Variants in GCNT3 observed in about 807,000 individuals in gnomAD.
The protein encoded by GCNT3 is glucosaminyl (N-acetyl) transferase 3, mucin type, also known as beta-1,3-galactosyl-O-glycosyl-glycoprotein beta-1,6-N-acetylglucosaminyltransferase 3.
For missense variants in GCNT3, 708 were observed against 530.3 expected, an observed-to-expected ratio of 1.34 and a Z score of -3.29; for synonymous variants, 269 against 195.2, an observed-to-expected ratio of 1.38 and a Z score of -3.15.
chr15:59,615,108 A>G (rs1291817580), intron 1 of GCNT3: 1 of 152,198 alleles, frequency 6.6e-6, no homozygotes, highest in East Asian at 1.9e-4. Flanking sequence ...GCCTCTTGCA[A>G]ACCACGTTTC....
rs1164324108 is a variant in GCNT3, at chr15:59,618,191, C to T, written c.-48C>T. The T allele has an allele frequency of 2.8e-6, 3 of 1,054,166 alleles. No homozygotes were observed. The highest frequency in any genetic ancestry group is 3.2e-5 in the African/African-American group (2 of 63,108). 65.3% of individuals were successfully genotyped at this position (1,054,166 alleles called of 1,614,324 possible). ...TGTTCTGTCCAAGGATTGTGTCCTC[C>T]TCCACCTTCCCTGTGCTCGGTCTCC... is the stretch of plus-strand genomic sequence containing the variant. On this transcript the variant is annotated 5_prime_UTR_variant, in exon 3 of 3. Transcript: ENST00000396065.
At chr15:59,617,174 C>CTTTT (rs1339999286) in intron 2 of GCNT3, among the ~76,000 whole-genome samples, 5 of 132,312 alleles carry the variant, frequency 3.8e-5, no homozygotes, top group African/African-American at 1.4e-4. Context: ...TGTTTTCTTT[C>CTTTT]TTTCTTTTTT....
rs1303895864 is a variant in GCNT3 at position 59,621,494 on chromosome 15, G to C, written c.*1939G>C. ...CATCTTCTGCATACGATATGCCCTG[G>C]AAAGGTGATTTATATGCAAGTTAAT... On this transcript the variant is annotated 3_prime_UTR_variant, in exon 3 of 3. Coordinates refer to ENST00000396065, the MANE Select transcript of GCNT3 (RefSeq NM_004751.3). 1 of 151,064 alleles carries C rather than the reference G, an allele frequency of 6.6e-6. No homozygotes were observed. The highest frequency in any genetic ancestry group is 2.4e-5 in the African/African-American group (1 of 41,184). The allele number at this position is 151,064 out of a possible 1,614,324, so 9.4% of individuals were successfully genotyped here.
intron 1 of GCNT3, among the ~76,000 whole-genome samples, chr15:59,612,853 T>G (rs1051428291): frequency 2.0e-4 from 30 of 152,046 alleles, no homozygotes; most frequent in African/African-American, 7.2e-4. Flanking sequence ...CTGCCTGAGG[T>G]GCTGAGGGTG....
At position 59,622,565 on chromosome 15, in the gene GCNT3, A is replaced by G. The variant is rs1019712749; in HGVS notation, c.*3010A>G. The stretch of plus-strand genomic sequence containing the variant: ...TCCTTGGTCCTCCTCTGAAGGAGGT[A>G]GAAGGGGCACACGGCCACCGTGGGA... On this transcript the variant is annotated 3_prime_UTR_variant, in exon 3 of 3. Coordinates refer to ENST00000396065, the MANE Select transcript of GCNT3 (RefSeq NM_004751.3). 1 of 152,164 alleles carries G rather than the reference A, an allele frequency of 6.6e-6. No individual in the cohort carries two copies. The highest frequency in any genetic ancestry group is 2.4e-5 in the African/African-American group (1 of 41,446). 9.4% of individuals were successfully genotyped at this position (152,164 alleles called of 1,614,324 possible).
intron 1 of GCNT3, among the ~76,000 whole-genome samples, chr15:59,614,449 G>T (rs1216483999): frequency 6.6e-6 from 1 of 152,208 alleles, no homozygotes; most frequent in African/African-American, 2.4e-5. Flanking sequence ...CTACTCCATA[G>T]ACATAGCAGC....
Position 59,618,377 on chromosome 15 carries a change from T to A in GCNT3, c.139T>A (p.Ser47Thr). 1.2e-6 allele frequency: 2 copies of A among 1,614,090 alleles called. No homozygotes were observed. Among genetic ancestry groups the A allele is most frequent in the Non-Finnish European group, 1.7e-6 (2 of 1,179,960 alleles). Residue 47 changes from serine to threonine, a missense_variant, in exon 3 of 3, where the codon TCT becomes ACT. Transcript: ENST00000396065. ...SDHLGLESRE[S>T]QSQYCRNILY... Reference sequence around the variant, plus strand: ...CCACTTGGGTCTGGAGTCCAGGGAATCTCAAAGCCAGTACTGTAGGAATAT... The same window carrying A: ...CCACTTGGGTCTGGAGTCCAGGGAAACTCAAAGCCAGTACTGTAGGAATAT...
chr15:59,618,764 G>T lies in GCNT3; in HGVS notation c.526G>T (p.Val176Phe). ...EKSPETFKEA[V>F]KAIISCFPNV... The stretch of plus-strand genomic sequence containing the variant: ...GTCCCCAGAAACTTTCAAAGAGGCG[G>T]TCAAAGCAATTATTTCTTGCTTCCC... Residue 176 changes from valine (V) to phenylalanine (F), a missense_variant, in exon 3 of 3, where the codon GTC becomes TTC. Val to Phe is a conservative substitution (Grantham distance 50). Coordinates refer to ENST00000396065, the MANE Select transcript of GCNT3 (RefSeq NM_004751.3). 6.2e-7 allele frequency: 1 copy of T among 1,614,194 alleles called. No individual in the cohort carries two copies. Among genetic ancestry groups the T allele is most frequent in the Non-Finnish European group, 8.5e-7 (1 of 1,180,024 alleles).
Position 59,622,203 on chromosome 15 carries a change from C to G in GCNT3, c.*2648C>G, listed in dbSNP as rs557833313. On this transcript the variant is annotated 3_prime_UTR_variant, in exon 3 of 3. Coordinates refer to ENST00000396065, the MANE Select transcript of GCNT3 (RefSeq NM_004751.3). ...TGGTGGGTACCTGTAATCCCAGCTA[C>G]TTGGGAGGCTGAGGCAGGAGAATCG... 6.6e-6 allele frequency: 1 copy of G among 151,756 alleles called. No individual in the cohort carries two copies. Among genetic ancestry groups the G allele is most frequent in the Non-Finnish European group, 1.5e-5 (1 of 68,036 alleles). 9.4% of individuals were successfully genotyped at this position (151,756 alleles called of 1,614,324 possible).
Position 59,618,342 on chromosome 15 carries a change from G to A in GCNT3, c.104G>A (p.Cys35Tyr). Residue 35 changes from cysteine (C) to tyrosine (Y), a missense_variant, in exon 3 of 3, where the codon TGT (cysteine) becomes TAT (tyrosine). Transcript: ENST00000396065. The stretch of plus-strand genomic sequence containing the variant: ...CTGAAACTTTCTTTCAGGTTGAAGT[G>A]TGACTCTGACCACTTGGGTCTGGAG... ...VALKLSFRLKCDSDHLGLESR... is the reference protein window; with the variant it reads ...VALKLSFRLKYDSDHLGLESR... 2 of 1,613,912 alleles carry A rather than the reference G, an allele frequency of 1.2e-6. No homozygotes were observed. The highest frequency in any genetic ancestry group is 1.7e-6 in the Non-Finnish European group (2 of 1,179,834).
chr15:59,619,242 C>A lies in GCNT3; in HGVS notation c.1004C>A (p.Thr335Asn). Reference sequence around the variant, plus strand: ...AGCCCAGATGAACACCTCTGGGCCACCCTTCAGCGTGCACGGTGGATGCCT... The same window carrying A: ...AGCCCAGATGAACACCTCTGGGCCAACCTTCAGCGTGCACGGTGGATGCCT... The part of the protein sequence containing the change: ...TYSPDEHLWA[T>N]LQRARWMPGS... The change falls in exon 3 of 3, where the codon ACC becomes AAC. Residue 335 changes from threonine to asparagine, a missense_variant. By Grantham distance (65) the Thr-to-Asn change is moderately conservative (BLOSUM62 0). Transcript: ENST00000396065. 6.2e-7 allele frequency: 1 copy of A among 1,614,060 alleles called. No individual in the cohort carries two copies. The highest frequency in any genetic ancestry group is 2.2e-5 in the East Asian group (1 of 44,884).
intron 1 of GCNT3, among the ~76,000 whole-genome samples, chr15:59,613,574 A>G (rs1056224865): frequency 1.2e-4 from 17 of 138,852 alleles, no homozygotes; most frequent in Non-Finnish European, 2.5e-4. Context: ...ATAAATAAAT[A>G]AATAAAAATA....
chr15:59,613,616 C>T (rs1417554351), intron 1 of GCNT3, among the ~76,000 whole-genome samples: 2 of 151,968 alleles, frequency 1.3e-5, no homozygotes, highest in Non-Finnish European at 2.9e-5. Flanking sequence ...ATCTCAGCTA[C>T]TCAGGAGGCT....
In GCNT3 at chr15:59,619,564, A is replaced by T. The variant is rs374422549; in HGVS notation, c.*9A>T. 2 of 1,508,506 alleles carry T rather than the reference A, an allele frequency of 1.3e-6. No homozygotes were observed. Among genetic ancestry groups the T allele is most frequent in the Non-Finnish European group, 1.8e-6 (2 of 1,095,962 alleles). 93.4% of individuals were successfully genotyped at this position (1,508,506 alleles called of 1,614,324 possible). ...ATGGGACTGAACTTTGAGACACACT[A>T]TGAGAGCGTTGCTACCTGTGGGGCA... On this transcript the variant is annotated 3_prime_UTR_variant, in exon 3 of 3. Coordinates refer to ENST00000396065, the MANE Select transcript of GCNT3 (RefSeq NM_004751.3).
Position 59,618,681 on chromosome 15 carries a change from G to A in GCNT3, c.443G>A (p.Arg148Lys), listed in dbSNP as rs763609698. The A allele has an allele frequency of 6.2e-7, 1 of 1,614,170 alleles. No homozygotes were observed. Among genetic ancestry groups the A allele is most frequent in the Non-Finnish European group, 8.5e-7 (1 of 1,180,012 alleles). Reference sequence around the variant, plus strand: ...CATGAGAAGATTGAAAACTTTGAAAGGCTACTGCGAGCTGTGTATGCCCCT... The same window carrying A: ...CATGAGAAGATTGAAAACTTTGAAAAGCTACTGCGAGCTGTGTATGCCCCT... ...VIHEKIENFERLLRAVYAPQN... is the reference protein window; with the variant it reads ...VIHEKIENFEKLLRAVYAPQN... Residue 148 changes from arginine (R) to lysine (K), a missense_variant, in exon 3 of 3, where the codon AGG (arginine) becomes AAG (lysine). Coordinates refer to ENST00000396065, the MANE Select transcript of GCNT3 (RefSeq NM_004751.3).
In GCNT3 at chr15:59,618,817, T is replaced by C. The variant is rs779487918; in HGVS notation, c.579T>C (p.Val193=). 8 of 1,614,210 alleles carry C rather than the reference T, an allele frequency of 5.0e-6. No individual in the cohort carries two copies. In the South Asian group the frequency reaches 7.7e-5, roughly 16 times the overall value. ...FPNVFIASKL[V]RVVYASWSRV... ...ATGTCTTCATAGCCAGTAAGCTGGT[T>C]CGGGTGGTTTATGCCTCCTGGTCCA... The change falls in exon 3 of 3, where the codon GTT becomes GTC. Residue 193 remains valine (V), a synonymous_variant. Transcript: ENST00000396065.
In GCNT3 at chr15:59,614,174, A is replaced by AAT. The variant is rs2082709118; in HGVS notation, c.-251+2195_-251+2196dup. 3.9e-5 allele frequency among the ~76,000 whole-genome samples: 6 copies of AAT among 152,176 alleles called. No individual in the cohort carries two copies. In the South Asian group the frequency reaches 1.2e-3, roughly 32 times the overall value. The stretch of plus-strand genomic sequence containing the variant: ...AAGTGGAGGAGTTTTTCTAGATTAG[A>AAT]ATACTGAAGCAAGTGCTTATCCCAT... On this transcript the variant is annotated intron_variant, in intron 1 of 2. Coordinates refer to ENST00000396065, the MANE Select transcript of GCNT3 (RefSeq NM_004751.3).
At chr15:59,614,024 A>G (rs2082708455) in intron 1 of GCNT3, among the ~76,000 whole-genome samples, 1 of 152,142 alleles carries the variant, frequency 6.6e-6, no homozygotes, top group African/African-American at 2.4e-5. Context: ...TGAAAAACAC[A>G]TACACAAACA....
In GCNT3 at chr15:59,618,874, C is replaced by G; in HGVS notation, c.636C>G (p.Asp212Glu). Residue 212 changes from aspartate to glutamate, a missense_variant, in exon 3 of 3, where the codon GAC (aspartate) becomes GAG (glutamate). Coordinates refer to ENST00000396065, the MANE Select transcript of GCNT3 (RefSeq NM_004751.3). ...AAGCTGACCTCAACTGCATGGAAGA[C>G]TTGCTCCAGAGCTCAGTGCCGTGGA... ...RVQADLNCME[D>E]LLQSSVPWKY... The G allele has an allele frequency of 6.2e-7, 1 of 1,614,184 alleles. No homozygotes were observed. The highest frequency in any genetic ancestry group is 8.5e-7 in the Non-Finnish European group (1 of 1,180,034).
Sources: allele counts gnomAD v4.1 joint callset (sites outside exome capture counted in the v4.1 genomes callset), GRCh38; gene constraint gnomAD v4.1.1; transcripts MANE v1.5; gene names NCBI Gene and HGNC (gene_info 2026-07-23, HGNC 2026-07-21).